The following ZNF385D variants were observed in gnomAD, a reference collection of about 807,000 sequenced individuals.
The protein encoded by ZNF385D is zinc finger protein 385D.
A neutral mutation model predicts 35.8 loss-of-function variants in ZNF385D; 15 were observed. The ratio of observed to expected loss-of-function variants is 0.42; its 90% CI spans 0.28 to 0.64. The LOEUF (loss-of-function observed/expected upper bound fraction) is 0.64, where lower values mean the gene tolerates loss of function less well. Among genes scored for constraint, ZNF385D ranks in the 30% least tolerant of loss-of-function variants. The pLI is 0.23. For synonymous variants in ZNF385D, 212 were observed against 186.8 expected (o/e 1.13, Z -1.10); for missense variants, 474 against 494.6 (o/e 0.96, Z 0.39).
chr3:21,512,145 CAAA>C (rs35276805), intron 3 of ZNF385D, among the ~76,000 whole-genome samples: 1 of 90,344 alleles, frequency 1.1e-5, no homozygotes. Context: ...GACTCCATCT[CAAA>C]AAAAAAAAAA....
Position 21,847,318 on chromosome 3 carries a change from T to C in ZNF385D, c.326-182290A>G, listed in dbSNP as rs543049646. 6.6e-5 allele frequency among the ~76,000 whole-genome samples: 10 copies of C among 152,194 alleles called. No homozygotes were observed. In the East Asian group the frequency reaches 1.6e-3, roughly 24 times the overall value. ...AACAGTCGTTGCTGGAGTTCCACTG[T>C]TTAAGAAAGTTTGAAAATGTGACAA... On this transcript the variant is annotated intron_variant, in intron 3 of 5. Coordinates refer to the ZNF385D transcript ENST00000494108.
intron 3 of ZNF385D, among the ~76,000 whole-genome samples, chr3:22,105,750 T>A (rs933450336): frequency 6.6e-6 from 1 of 152,110 alleles, no homozygotes; most frequent in Non-Finnish European, 1.5e-5. Flanking sequence ...CCTACCAACA[T>A]TGGGGAGGGC....
intron 1 of ZNF385D, among the ~76,000 whole-genome samples, chr3:21,689,159 C>T (rs1287284042): frequency 2.7e-5 from 4 of 149,416 alleles, no homozygotes; most frequent in Admixed American, 2.7e-4. Flanking sequence ...AAATACTATT[C>T]CATTTAAAGA....
At chr3:22,025,980 G>C (rs1300440986) in intron 3 of ZNF385D, among the ~76,000 whole-genome samples, 1 of 152,146 alleles carries the variant, frequency 6.6e-6, no homozygotes, top group Non-Finnish European at 1.5e-5. Flanking sequence ...AACCATCAAA[G>C]GCAAGGTGGG....
chr3:22,128,626 T>C (rs77498728), intron 3 of ZNF385D, among the ~76,000 whole-genome samples: 2,761 of 152,304 alleles, frequency 0.018, 96 homozygotes, highest in African/African-American at 0.062. Flanking sequence ...CACTCATTCT[T>C]TCTTCTGTTT....
chr3:22,123,113 G>A (rs983669797), intron 3 of ZNF385D, among the ~76,000 whole-genome samples: 3 of 152,066 alleles, frequency 2.0e-5, no homozygotes, highest in African/African-American at 7.2e-5. Context: ...ATGATGAGTT[G>A]ATAGATTGTT....
At chr3:22,171,530 C>T (rs1244705081) in intron 2 of ZNF385D, among the ~76,000 whole-genome samples, 1 of 151,954 alleles carries the variant, frequency 6.6e-6, no homozygotes, top group East Asian at 1.9e-4. Flanking sequence ...GGTATTGACA[C>T]TAAGGAAAAA....
At chr3:21,650,540 A>T (rs911930458) in intron 2 of ZNF385D, among the ~76,000 whole-genome samples, 3 of 152,208 alleles carry the variant, frequency 2.0e-5, no homozygotes, top group African/African-American at 7.2e-5. Flanking sequence ...TAAAGAAAGA[A>T]ATTTTAAACA....
intron 4 of ZNF385D, among the ~76,000 whole-genome samples, chr3:21,506,235 A>G (rs1706768809): frequency 6.8e-6 from 1 of 146,370 alleles, no homozygotes; most frequent in African/African-American, 2.5e-5. Context: ...AAAAAGCTCT[A>G]AGAGCCTTTT....
chr3:21,419,082 A>G lies in ZNF385D; in HGVS notation c.*2132T>C, dbSNP rs1199004652. ...AATCAATATATTTAACCAGAGAAGC[A>G]TGGTTTGAAATTCTTTCTACCAGAA... On this transcript the variant is annotated 3_prime_UTR_variant, in exon 8 of 8. Coordinates refer to ENST00000281523, the MANE Select transcript of ZNF385D (RefSeq NM_024697.3). The G allele has an allele frequency of 1.3e-5, 2 of 152,582 alleles. No individual in the cohort carries two copies. The highest frequency in any genetic ancestry group is 2.4e-5 in the African/African-American group (1 of 41,458). 9.5% of individuals were successfully genotyped at this position (152,582 alleles called of 1,614,324 possible). A position where few individuals can be genotyped will look rare whatever the true frequency, so the allele number is the denominator to read the frequency against.
chr3:21,458,069 T>G, intron 4 of ZNF385D, among the ~76,000 whole-genome samples: 1 of 152,016 alleles, frequency 6.6e-6, no homozygotes. Flanking sequence ...CTGAAAAAAA[T>G]ATTGAGATTA....
chr3:21,575,056 C>T (rs544008133), intron 2 of ZNF385D, among the ~76,000 whole-genome samples: 6 of 152,070 alleles, frequency 3.9e-5, no homozygotes, highest in Non-Finnish European at 7.4e-5. Context: ...TTGTAAAATT[C>T]AGAGTGAAAC....
intron 3 of ZNF385D, among the ~76,000 whole-genome samples, chr3:22,006,388 A>T (rs1339999433): frequency 1.3e-5 from 2 of 152,174 alleles, no homozygotes; most frequent in Non-Finnish European, 2.9e-5. Flanking sequence ...GTAAAATTAG[A>T]AATGTTCATG....
Position 21,855,773 on chromosome 3 carries a change from C to T in ZNF385D, c.326-190745G>A, listed in dbSNP as rs373330826. On this transcript the variant is annotated intron_variant, in intron 3 of 5. Transcript: ENST00000494108. ...AATAACTTAAGTAAACTCCTCTTCA[C>T]TGTAGATACAGTTTAAGGGTTATGA... is the stretch of plus-strand genomic sequence containing the variant. Among the ~76,000 whole-genome samples the T allele has an allele frequency of 2.0e-5, 3 of 152,052 alleles. No homozygotes were observed. In the South Asian group the frequency reaches 6.2e-4, roughly 31 times the overall value.
chr3:21,893,707 G>A (rs182857710), intron 3 of ZNF385D, among the ~76,000 whole-genome samples: 3 of 152,016 alleles, frequency 2.0e-5, no homozygotes, highest in Non-Finnish European at 4.4e-5. Context: ...ATTGAGAATT[G>A]GCAACAAGGA....
chr3:21,750,567 G>A (rs2070019708), intron 1 of ZNF385D, among the ~76,000 whole-genome samples: 1 of 152,040 alleles, frequency 6.6e-6, no homozygotes, highest in Non-Finnish European at 1.5e-5. Context: ...GTTAGCTCAT[G>A]ACTTCCCACG....
intron 2 of ZNF385D, among the ~76,000 whole-genome samples, chr3:22,310,061 A>T (rs955560977): frequency 2.0e-5 from 3 of 151,900 alleles, no homozygotes; most frequent in Non-Finnish European, 4.4e-5. Flanking sequence ...CAGAAATAAG[A>T]CCTCCAATAA....
intron 4 of ZNF385D, among the ~76,000 whole-genome samples, chr3:21,485,929 C>T (rs376819668): frequency 6.6e-6 from 1 of 151,406 alleles, no homozygotes; most frequent in African/African-American, 2.4e-5. Context: ...ATCTGTACCA[C>T]CCCTTTTGCC....
At position 22,229,935 on chromosome 3, in the gene ZNF385D, G is replaced by A. The variant is rs76854854; in HGVS notation, c.107-60900C>T. Among the ~76,000 whole-genome samples, 1,216 of 152,198 alleles carry A rather than the reference G, an allele frequency of 8.0e-3. 17 individuals are homozygous for A. The highest frequency in any genetic ancestry group is 0.027 in the African/African-American group (1,129 of 41,530). ...CAACATTGTACTGCCCATTTGTAGC[G>A]CATAATCCACTTTTCTAACACCTTG... On this transcript the variant is annotated intron_variant, in intron 2 of 5. Transcript: ENST00000494108.
Sources: allele counts gnomAD v4.1 joint callset (sites outside exome capture counted in the v4.1 genomes callset), GRCh38; gene constraint gnomAD v4.1.1; transcripts MANE v1.5; gene names NCBI Gene and HGNC (gene_info 2026-07-23, HGNC 2026-07-21).